The following TPX2 variants were observed in gnomAD, a reference collection of about 807,000 sequenced individuals.
TPX2 encodes TPX2 microtubule nucleation factor.
In TPX2, 21 loss-of-function variants were observed where a neutral mutation model predicts 93.6. That is an observed-to-expected ratio of 0.22 (90% CI 0.16 to 0.32). The LOEUF (loss-of-function observed/expected upper bound fraction) is 0.32, where lower values mean the gene tolerates loss of function less well. TPX2 is among the 10% of genes least tolerant of loss of function. The pLI is 1.00. For synonymous variants in TPX2, 281 were observed against 298.3 expected (o/e 0.94, Z 0.60); for missense variants, 776 against 871.1 (o/e 0.89, Z 1.37).
At chr20:31,767,779 C>T (rs541254522) in intron 5 of TPX2, among the ~76,000 whole-genome samples, 17 of 152,136 alleles carry the variant, frequency 1.1e-4, no homozygotes, top group Middle Eastern at 6.8e-3. Flanking sequence ...GTCACAAACT[C>T]GAGCTCAAGC....
In TPX2 at chr20:31,782,095, T is replaced by C. The variant is rs546226884; in HGVS notation, c.1055-154T>C. On this transcript the variant is annotated intron_variant, in intron 10 of 17. Coordinates refer to ENST00000300403, the MANE Select transcript of TPX2 (RefSeq NM_012112.5). ...GGAATAGGGGAGAAGTAACTGAATG[T>C]TGGTTGGTTTGACCAATGTAAGCTG... 2.0e-5 allele frequency among the ~76,000 whole-genome samples: 3 copies of C among 152,352 alleles called. No individual in the cohort carries two copies. In the South Asian group the frequency reaches 6.2e-4, roughly 32 times the overall value.
chr20:31,761,197 ATTT>A (rs764823436), intron 4 of TPX2, among the ~76,000 whole-genome samples: 1 of 130,678 alleles, frequency 7.7e-6, no homozygotes. Context: ...CCTTCAATTA[ATTT>A]TTTTTTTTTT....
At chr20:31,758,521 A>G (rs575134211) in intron 3 of TPX2, among the ~76,000 whole-genome samples, 1 of 152,316 alleles carries the variant, frequency 6.6e-6, no homozygotes, top group African/African-American at 2.4e-5. Flanking sequence ...ACATTTTTAC[A>G]TTACTTTGAA....
At chr20:31,772,525 A>C (rs1245524681) in intron 7 of TPX2, among the ~76,000 whole-genome samples, 2 of 152,224 alleles carry the variant, frequency 1.3e-5, no homozygotes, top group African/African-American at 4.8e-5. Flanking sequence ...GAAATATAAA[A>C]GGAAAAAGTT....
chr20:31,792,681 C>T lies in TPX2; in HGVS notation c.1414-54C>T, dbSNP rs967979464. On this transcript the variant is annotated intron_variant, in intron 12 of 17. Transcript: ENST00000300403. ...GAAAAAAGGATTTAATCTTCTCATACAGCTTAGTGGAGATCATTTTGTGAT... is the reference window on the plus strand; with the variant it reads ...GAAAAAAGGATTTAATCTTCTCATATAGCTTAGTGGAGATCATTTTGTGAT... 5.6e-5 allele frequency: 83 copies of T among 1,480,086 alleles called. 1 individual carries two copies. The East Asian group carries it at 1.6e-3, about 29-fold the overall frequency. The allele number at this position is 1,480,086 out of a possible 1,614,324, so 91.7% of individuals were successfully genotyped here.
At chr20:31,788,603 T>C (rs1308872728) in intron 12 of TPX2, among the ~76,000 whole-genome samples, 1 of 151,950 alleles carries the variant, frequency 6.6e-6, no homozygotes, top group African/African-American at 2.4e-5. Flanking sequence ...CACTTCCACT[T>C]GTGGTTGATA....
chr20:31,767,337 AAT>A (rs2061934197), intron 5 of TPX2, among the ~76,000 whole-genome samples: 1 of 152,006 alleles, frequency 6.6e-6, no homozygotes. Context: ...CCTGATGTCA[AAT>A]ATCTTTGTTC....
intron 12 of TPX2, among the ~76,000 whole-genome samples, chr20:31,791,483 A>C (rs1176885537): frequency 6.6e-6 from 1 of 152,082 alleles, no homozygotes; most frequent in African/African-American, 2.4e-5. Context: ...ACGGGGTTTC[A>C]CCGTGTTAGC....
chr20:31,791,129 G>A (rs1359861689), intron 12 of TPX2, among the ~76,000 whole-genome samples: 1 of 151,948 alleles, frequency 6.6e-6, no homozygotes, highest in African/African-American at 2.4e-5. Context: ...AGGGGTGAGA[G>A]GTAAGGCGGG....
At chr20:31,783,146 G>T (rs2062044394) in intron 11 of TPX2, among the ~76,000 whole-genome samples, 2 of 152,132 alleles carry the variant, frequency 1.3e-5, no homozygotes, top group African/African-American at 4.8e-5. Context: ...TGCTTCTTTT[G>T]AGGAGGGGGA....
chr20:31,766,483 G>GTA (rs2061926638), intron 4 of TPX2, 73 bp from the exon 5 acceptor site: 1 of 1,369,292 alleles, frequency 7.3e-7, no homozygotes, highest in African/African-American at 1.5e-5. Context: ...GTGTGTGTGT[G>GTA]TGTGTGTGTG....
At chr20:31,788,680 G>A (rs1266607646) in intron 12 of TPX2, among the ~76,000 whole-genome samples, 3 of 152,060 alleles carry the variant, frequency 2.0e-5, no homozygotes, top group Non-Finnish European at 4.4e-5. Flanking sequence ...CCCAAGTGAG[G>A]CAGAAATGAG....
rs140067122 is a variant in TPX2 at position 31,762,497 on chromosome 20, G to A, written c.229+2318G>A. On this transcript the variant is annotated intron_variant, in intron 4 of 17. Coordinates refer to ENST00000300403, the MANE Select transcript of TPX2 (RefSeq NM_012112.5). ...CCCAAGTAGTTGTGACTACAGGCGC[G>A]CACCACCACACCCAGCTAATTTTTG... 2.1e-4 allele frequency among the ~76,000 whole-genome samples: 32 copies of A among 152,024 alleles called. No individual in the cohort carries two copies. In the Middle Eastern group the frequency reaches 0.014, roughly 65 times the overall value.
intron 14 of TPX2, 113 bp downstream of exon 14, chr20:31,794,137 A>C (rs904350348): frequency 1.7e-6 from 2 of 1,210,088 alleles, no homozygotes; most frequent in Admixed American, 2.8e-5. Context: ...GATCTTTCTA[A>C]GAACCCTATA....
chr20:31,788,134 C>T (rs917168617), intron 12 of TPX2, among the ~76,000 whole-genome samples: 1 of 152,066 alleles, frequency 6.6e-6, no homozygotes, highest in South Asian at 2.1e-4. Flanking sequence ...GAGAGTAAGT[C>T]GGCCAGGCGC....
chr20:31,747,148 A>C (rs1312878723), intron 2 of TPX2, among the ~76,000 whole-genome samples: 1 of 152,024 alleles, frequency 6.6e-6, no homozygotes, highest in Admixed American at 6.6e-5. Flanking sequence ...TTTGAGAAGG[A>C]GTCTCGCTCT....
At position 31,801,073 on chromosome 20, in the gene TPX2, A is replaced by G. The variant is rs778276903; in HGVS notation, c.2237A>G (p.His746Arg). Residue 746 changes from histidine (H) to arginine (R), a missense_variant, in exon 18 of 18, where the codon CAC becomes CGC. Transcript: ENST00000300403. ...PVSPKFSTRFHC is the reference protein window; with the variant it reads ...PVSPKFSTRFRC ...TCTCCCAAATTCTCCACTCGATTCC[A>G]CTGCTAAACTCAGCTGTGAGCTGCG... The G allele has an allele frequency of 5.0e-6, 8 of 1,613,884 alleles. No individual in the cohort carries two copies. In the Admixed American group the frequency reaches 1.2e-4, roughly 24 times the overall value.
chr20:31,777,706 G>T, intron 9 of TPX2, 68 bp downstream of exon 9: 1 of 1,532,618 alleles, frequency 6.5e-7, no homozygotes, highest in Non-Finnish European at 8.9e-7. Flanking sequence ...TGTAGCATTT[G>T]TGGTCACTGT....
In TPX2 at chr20:31,765,644, C is replaced by T. The variant is rs555802928; in HGVS notation, c.230-912C>T. Among the ~76,000 whole-genome samples, 239 of 152,224 alleles carry T rather than the reference C, an allele frequency of 1.6e-3. 1 individual carries two copies. Among genetic ancestry groups the T allele is most frequent in the African/African-American group, 5.6e-3 (234 of 41,536 alleles). On this transcript the variant is annotated intron_variant, in intron 4 of 17. Transcript: ENST00000300403. The stretch of plus-strand genomic sequence containing the variant: ...ATAATGCCTGATAGTATGATTATAT[C>T]AGCAGTATTTACAATGTTATGATTA...
Sources: gnomAD v4.1 joint callset for allele counts (sites outside exome capture counted in the v4.1 genomes callset) on GRCh38, gnomAD v4.1.1 for gene constraint, MANE v1.5 for transcripts, NCBI Gene and HGNC (gene_info 2026-07-23, HGNC 2026-07-21) for gene names.